Variants in MTHFD2L observed in about 807,000 individuals in gnomAD.
MTHFD2L encodes methylenetetrahydrofolate dehydrogenase (NADP+ dependent) 2 like, also known as bifunctional methylenetetrahydrofolate dehydrogenase/cyclohydrolase 2, mitochondrial.
MTHFD2L carries 29 observed loss-of-function variants against 34.9 expected under a neutral mutation model. The ratio of observed to expected loss-of-function variants is 0.83; its 90% CI spans 0.62 to 1.13. MTHFD2L has a LOEUF of 1.13. MTHFD2L is among the 50% of genes most tolerant of loss of function. The pLI, the probability that MTHFD2L is intolerant of heterozygous loss-of-function variation, is 0.00. For missense variants in MTHFD2L, 481 were observed against 446.5 expected (o/e 1.08, Z -0.70); for synonymous variants, 167 against 155.7 (o/e 1.07, Z -0.54).
At chr4:74,134,115 G>A (rs555392165) in intron 1 of MTHFD2L, among the ~76,000 whole-genome samples, 1 of 152,218 alleles carries the variant, frequency 6.6e-6, no homozygotes, top group African/African-American at 2.4e-5. Context: ...CATCTTCTTC[G>A]GTTTCCTGCC....
chr4:74,175,436 G>A, intron 3 of MTHFD2L, 33 bp downstream of exon 3: 1 of 1,577,102 alleles, frequency 6.3e-7, no homozygotes, highest in Non-Finnish European at 8.6e-7. Flanking sequence ...ATCTGATTTT[G>A]TTAAAAGTGA....
Position 74,282,299 on chromosome 4 carries a change from AAAGTT to A in MTHFD2L, c.931+754_931+758del, listed in dbSNP as rs375244644. On this transcript the variant is annotated intron_variant, in intron 7 of 7. Coordinates refer to ENST00000325278, the MANE Select transcript of MTHFD2L (RefSeq NM_001144978.3). ...ATGTCTATGAAGGCATGAATATAGT[AAAGTT>A]AAGTGGTGACATTTTTATGTTAGAA... Among the ~76,000 whole-genome samples the A allele has an allele frequency of 1.5e-4, 23 of 152,204 alleles. No individual in the cohort carries two copies. In the South Asian group the frequency reaches 3.9e-3, roughly 26 times the overall value.
intron 7 of MTHFD2L, among the ~76,000 whole-genome samples, chr4:74,296,759 C>T (rs1749685584): frequency 6.6e-6 from 1 of 151,984 alleles, no homozygotes; most frequent in African/African-American, 2.4e-5. Context: ...GAGGCATATG[C>T]AGTATGACTT....
intron 4 of MTHFD2L, among the ~76,000 whole-genome samples, chr4:74,200,244 G>A (rs752676846): frequency 7.9e-5 from 12 of 151,950 alleles, no homozygotes; most frequent in African/African-American, 2.2e-4. Flanking sequence ...CCTGGGAGGC[G>A]GAGCTTGCAG....
chr4:74,133,844 C>T (rs949391050), intron 1 of MTHFD2L, among the ~76,000 whole-genome samples: 11 of 151,946 alleles, frequency 7.2e-5, no homozygotes, highest in African/African-American at 2.7e-4. Context: ...TGCTTCTCTC[C>T]CCTCCACCAG....
chr4:74,301,984 A>G lies in MTHFD2L; in HGVS notation c.*175A>G, dbSNP rs1048012540. On this transcript the variant is annotated 3_prime_UTR_variant, in exon 8 of 8. Transcript: ENST00000325278. ...AGTTTTATGCATTTCCTGCTAATTT[A>G]TTTTGAGTTTTAAGAAAACAACCAA... is the stretch of plus-strand genomic sequence containing the variant. The G allele has an allele frequency of 4.8e-6, 2 of 418,246 alleles. No individual in the cohort carries two copies. Among genetic ancestry groups the G allele is most frequent in the Non-Finnish European group, 8.6e-6 (2 of 233,290 alleles). The allele number at this position is 418,246 out of a possible 1,614,324, so 25.9% of individuals were successfully genotyped here. A position where few individuals can be genotyped will look rare whatever the true frequency, so the allele number is the denominator to read the frequency against.
At chr4:74,247,856 T>C (rs1318544749) in intron 6 of MTHFD2L, among the ~76,000 whole-genome samples, 3 of 152,170 alleles carry the variant, frequency 2.0e-5, no homozygotes, top group African/African-American at 7.2e-5. Flanking sequence ...GATAAGCTTT[T>C]TGATGTGCTG....
intron 5 of MTHFD2L, among the ~76,000 whole-genome samples, chr4:74,219,199 C>G (rs1005003346): frequency 2.6e-5 from 4 of 152,074 alleles, no homozygotes; most frequent in African/African-American, 9.7e-5. Flanking sequence ...TGGAACCAGT[C>G]CCTCCCAGAT....
At chr4:74,175,257 C>T (rs368023416) in intron 2 of MTHFD2L, 24 bp from the exon 3 acceptor site, 1 of 1,607,450 alleles carries the variant, frequency 6.2e-7, no homozygotes, top group Non-Finnish European at 8.5e-7. Flanking sequence ...GTCAAGTGAC[C>T]TTCTCTACCT....
intron 1 of MTHFD2L, among the ~76,000 whole-genome samples, chr4:74,134,646 G>C (rs181719231): frequency 1.2e-3 from 179 of 152,132 alleles, no homozygotes; most frequent in African/African-American, 4.2e-3. Context: ...TGACCCTCCT[G>C]AGATGGCGAT....
At chr4:74,133,379 A>G (rs1722690255) in intron 1 of MTHFD2L, among the ~76,000 whole-genome samples, 1 of 152,078 alleles carries the variant, frequency 6.6e-6, no homozygotes, top group Non-Finnish European at 1.5e-5. Context: ...GTGCTCTGTT[A>G]TTATTTCTTA....
intron 1 of MTHFD2L, among the ~76,000 whole-genome samples, chr4:74,133,850 A>T (rs1426959976): frequency 1.3e-5 from 2 of 151,924 alleles, no homozygotes; most frequent in African/African-American, 4.8e-5. Context: ...TCTCCCCTCC[A>T]CCAGAAACCA....
chr4:74,171,331 A>G (rs533220235), intron 1 of MTHFD2L, among the ~76,000 whole-genome samples: 1 of 152,334 alleles, frequency 6.6e-6, no homozygotes, highest in East Asian at 1.9e-4. Flanking sequence ...CAACAGTTTT[A>G]AAACCTGACC....
chr4:74,300,056 G>T lies in MTHFD2L; in HGVS notation c.932-1641G>T, dbSNP rs550539150. Among the ~76,000 whole-genome samples the T allele has an allele frequency of 1.6e-4, 24 of 152,138 alleles. 1 individual carries two copies. In the South Asian group the frequency reaches 5.0e-3, roughly 32 times the overall value. On this transcript the variant is annotated intron_variant, in intron 7 of 7. Coordinates refer to ENST00000325278, the MANE Select transcript of MTHFD2L (RefSeq NM_001144978.3). ...AAGAAAGGACTAAAAATTCATAGCT[G>T]TTTATTGAATGGCTATTGACCCATT... is the stretch of plus-strand genomic sequence containing the variant.
chr4:74,185,699 A>T (rs1053415202), intron 3 of MTHFD2L, among the ~76,000 whole-genome samples: 1 of 152,178 alleles, frequency 6.6e-6, no homozygotes, highest in Non-Finnish European at 1.5e-5. Context: ...CTTCCTTGAA[A>T]GATATACATT....
At chr4:74,118,033 T>C (rs1721684417) in intron 2 of MTHFD2L, among the ~76,000 whole-genome samples, 1 of 152,214 alleles carries the variant, frequency 6.6e-6, no homozygotes, top group South Asian at 2.1e-4. Flanking sequence ...TTCCCATATA[T>C]CCTATTTACT....
chr4:74,161,884 C>G (rs1560427468), intron 1 of MTHFD2L: 1 of 152,156 alleles, frequency 6.6e-6, no homozygotes, highest in Non-Finnish European at 1.5e-5. Context: ...TGAAATTACA[C>G]TTTGGCTTAG....
chr4:74,174,300 G>T (rs1215685456), intron 1 of MTHFD2L, among the ~76,000 whole-genome samples: 1 of 151,998 alleles, frequency 6.6e-6, no homozygotes, highest in African/African-American at 2.4e-5. Context: ...AGATTATACT[G>T]TAGAACTAAA....
At chr4:74,162,434 C>T (rs1725654000) in intron 1 of MTHFD2L, among the ~76,000 whole-genome samples, 1 of 150,766 alleles carries the variant, frequency 6.6e-6, no homozygotes, top group Admixed American at 6.6e-5. Context: ...CAAAGACTAT[C>T]TAAAGATCTA....
Sources: gnomAD v4.1 joint callset for allele counts (sites outside exome capture counted in the v4.1 genomes callset) on GRCh38, gnomAD v4.1.1 for gene constraint, MANE v1.5 for transcripts, NCBI Gene and HGNC (gene_info 2026-07-23, HGNC 2026-07-21) for gene names.